Variants in FANCI observed in about 807,000 individuals in gnomAD.
The protein encoded by FANCI is FA complementation group I.
Under a neutral mutation model 176.1 loss-of-function variants are expected in FANCI, and 156 were observed. The ratio of observed to expected loss-of-function variants is 0.89; its 90% CI spans 0.78 to 1.01. The LOEUF is 1.01. FANCI is among the 50% of genes least tolerant of loss of function. The pLI is 0.00. For missense variants in FANCI, 1,678 were observed against 1,534.1 expected (o/e 1.09, Z -1.57); for synonymous variants, 613 against 541.7 (o/e 1.13, Z -1.83).
intron 9 of FANCI, among the ~76,000 whole-genome samples, chr15:89,267,715 C>T (rs1414741274): frequency 1.3e-5 from 2 of 152,032 alleles, no homozygotes; most frequent in Non-Finnish European, 2.9e-5. Flanking sequence ...TCACTTGAGC[C>T]CAGGAGTTCA....
At chr15:89,293,328 T>A (rs1315746926) in intron 22 of FANCI, among the ~76,000 whole-genome samples, 1 of 152,192 alleles carries the variant, frequency 6.6e-6, no homozygotes, top group East Asian at 1.9e-4. Flanking sequence ...AACTCCTAAT[T>A]TTAACATGGA....
At chr15:89,306,490 G>A (rs1297754251) in intron 32 of FANCI, among the ~76,000 whole-genome samples, 3 of 151,996 alleles carry the variant, frequency 2.0e-5, no homozygotes, top group Non-Finnish European at 4.4e-5. Context: ...TCAGGAGTTC[G>A]AGACCAGCCT....
chr15:89,277,835 G>A (rs1030651758), intron 13 of FANCI, among the ~76,000 whole-genome samples: 3 of 152,052 alleles, frequency 2.0e-5, no homozygotes, highest in African/African-American at 7.2e-5. Context: ...AAGTCTTCTT[G>A]ATGTTCAATT....
intron 18 of FANCI, among the ~76,000 whole-genome samples, chr15:89,288,581 A>T (rs879814496): frequency 1.7e-4 from 26 of 151,578 alleles, no homozygotes; most frequent in African/African-American, 6.3e-4. Flanking sequence ...TTTGGTTACT[A>T]AATCTATTGA....
At chr15:89,306,275 G>T in intron 32 of FANCI, 81 bp downstream of exon 32, 1 of 1,365,620 alleles carries the variant, frequency 7.3e-7, no homozygotes, top group Non-Finnish European at 1.0e-6. Context: ...GCAGCCCACT[G>T]CTGCAGAATG....
chr15:89,274,715 C>G (rs2053341363), intron 12 of FANCI, among the ~76,000 whole-genome samples: 1 of 147,118 alleles, frequency 6.8e-6, no homozygotes, highest in East Asian at 2.1e-4. Context: ...AGCAATCCTC[C>G]CACCTGAACC....
chr15:89,303,974 C>A, intron 28 of FANCI, 59 bp downstream of exon 28: 1 of 1,517,686 alleles, frequency 6.6e-7, no homozygotes, highest in Non-Finnish European at 9.2e-7. Context: ...CCTCCAGTGG[C>A]ATTTGGAAAA....
intron 23 of FANCI, 98 bp downstream of exon 23, chr15:89,294,095 A>G: frequency 7.3e-7 from 1 of 1,361,448 alleles, no homozygotes; most frequent in South Asian, 1.2e-5. Context: ...GTTTACAGTA[A>G]GAAATAAGTC....
chr15:89,268,317 C>T (rs578246217), intron 9 of FANCI, 82 bp from the exon 10 acceptor site: 33 of 1,491,778 alleles, frequency 2.2e-5, no homozygotes, highest in South Asian at 6.8e-5. Flanking sequence ...GTGATGCGCC[C>T]GCCTTGGCCT....
At chr15:89,249,213 G>T (rs1445367232) in intron 2 of FANCI, among the ~76,000 whole-genome samples, 1 of 152,080 alleles carries the variant, frequency 6.6e-6, no homozygotes, top group Non-Finnish European at 1.5e-5. Flanking sequence ...GATGAACTCA[G>T]AGTAAAAAAT....
chr15:89,307,568 C>A, intron 33 of FANCI, 39 bp downstream of exon 33: 1 of 1,614,166 alleles, frequency 6.2e-7, no homozygotes, highest in Non-Finnish European at 8.5e-7. Context: ...GGGGGAAGCA[C>A]TTTTACTGCT....
rs191277860 is a variant in FANCI, at chr15:89,260,789, G to A, written c.234G>A (p.Ser78=). 1.4e-5 allele frequency: 23 copies of A among 1,613,848 alleles called. No homozygotes were observed. Among genetic ancestry groups the A allele is most frequent in the Admixed American group, 1.3e-4 (8 of 60,024 alleles). The change falls in exon 4 of 38, where the codon TCG becomes TCA. Residue 78 remains serine (S), a synonymous_variant. Transcript: ENST00000310775. ...CTTGTTGTATCCAGTTGGTGGAATC[G>A]GGGGATTTGCAGAAAGAAATAGCGT... The part of the protein sequence containing the change: ...IYTCCIQLVE[S]GDLQKEIASE...
chr15:89,260,959 C>G (rs990004750), intron 4 of FANCI, 116 bp downstream of exon 4: 1 of 1,315,778 alleles, frequency 7.6e-7, no homozygotes, highest in African/African-American at 1.5e-5. Context: ...ATGAGTAAGA[C>G]CTGTTGTTAA....
chr15:89,316,896 A>G lies in FANCI; in HGVS notation c.*437A>G, dbSNP rs949675645. The G allele has an allele frequency of 8.9e-7, 1 of 1,121,400 alleles. No homozygotes were observed. The highest frequency in any genetic ancestry group is 1.4e-6 in the Non-Finnish European group (1 of 730,276). 69.5% of individuals were successfully genotyped at this position (1,121,400 alleles called of 1,614,324 possible). A position where few individuals can be genotyped will look rare whatever the true frequency, so the allele number is the denominator to read the frequency against. On this transcript the variant is annotated 3_prime_UTR_variant, in exon 38 of 38. Transcript: ENST00000310775. Reference sequence around the variant, plus strand: ...GTAACTGAGAGCTCAGAAGTGAGCAAAGGAGCTTAATGCTAAGGTCAAAAG... The same window carrying G: ...GTAACTGAGAGCTCAGAAGTGAGCAGAGGAGCTTAATGCTAAGGTCAAAAG...
Position 89,305,255 on chromosome 15 carries a change from G to C in FANCI, c.3186+13G>C. On this transcript the variant is annotated intron_variant, in intron 29 of 37. Coordinates refer to ENST00000310775, the MANE Select transcript of FANCI (RefSeq NM_001113378.2). ...AGATATAGACCAGGTACTATAATGAGCCTTCAGTACAATACCCTGTGTGGG... is the reference window on the plus strand; with the variant it reads ...AGATATAGACCAGGTACTATAATGACCCTTCAGTACAATACCCTGTGTGGG... 1.2e-6 allele frequency: 2 copies of C among 1,614,176 alleles called. No homozygotes were observed. Among genetic ancestry groups the C allele is most frequent in the Non-Finnish European group, 1.7e-6 (2 of 1,180,028 alleles).
Position 89,274,313 on chromosome 15 carries a change from G to A in FANCI, c.1112+9G>A, listed in dbSNP as rs767709801. On this transcript the variant is annotated intron_variant, in intron 12 of 37. Coordinates refer to ENST00000310775, the MANE Select transcript of FANCI (RefSeq NM_001113378.2). ...GAAGTAGTGAAGAATAGGTAAGTTG[G>A]TGAACCATATCTCAAAAGGTTTATA... 1.9e-6 allele frequency: 3 copies of A among 1,613,148 alleles called. No homozygotes were observed. Among genetic ancestry groups the A allele is most frequent in the South Asian group, 2.2e-5 (2 of 91,042 alleles).
At chr15:89,269,726 T>C (rs2053126203) in intron 10 of FANCI, among the ~76,000 whole-genome samples, 1 of 152,230 alleles carries the variant, frequency 6.6e-6, no homozygotes. Flanking sequence ...CAAAATGTAC[T>C]AACGAGTGTG....
At chr15:89,316,222 G>A (rs2055248690) in intron 37 of FANCI, 175 bp from the exon 38 acceptor site, 2 of 677,798 alleles carry the variant, frequency 3.0e-6, no homozygotes, top group African/African-American at 3.6e-5. Context: ...CTACACTTTG[G>A]AGGACTCCTT....
intron 16 of FANCI, 182 bp from the exon 17 acceptor site, chr15:89,282,954 T>C (rs2151576815): frequency 1.6e-6 from 1 of 636,706 alleles, no homozygotes; most frequent in East Asian, 2.8e-5. Flanking sequence ...TGAATTTCTG[T>C]ACTATAAATT....
Sources: gnomAD v4.1 joint callset for allele counts (sites outside exome capture counted in the v4.1 genomes callset) on GRCh38, gnomAD v4.1.1 for gene constraint, MANE v1.5 for transcripts, NCBI Gene and HGNC (gene_info 2026-07-23, HGNC 2026-07-21) for gene names.